The following FSTL5 variants were observed in gnomAD, a reference collection of about 807,000 sequenced individuals.
FSTL5 encodes the protein follistatin like 5.
Under a neutral mutation model 89.1 loss-of-function variants are expected in FSTL5, and 62 were observed. The ratio of observed to expected loss-of-function variants is 0.70; its 90% confidence interval spans 0.57 to 0.86. The LOEUF (loss-of-function observed/expected upper bound fraction) is 0.86. Ranked by LOEUF, FSTL5 falls within the 40% of genes least tolerant of loss-of-function variation. The probability of loss-of-function intolerance (pLI) is 0.00; values close to 1 mark genes in which losing one functional copy is unlikely to be tolerated. For missense variants in FSTL5, 1,057 were observed against 1,001.6 expected, an observed-to-expected ratio of 1.06 and a Z score of -0.75; for synonymous variants, 383 against 346.2, an observed-to-expected ratio of 1.11 and a Z score of -1.18.
At chr4:161,721,488 T>A (rs1269175295) in intron 6 of FSTL5, among the ~76,000 whole-genome samples, 2 of 152,094 alleles carry the variant, frequency 1.3e-5, no homozygotes, top group Non-Finnish European at 2.9e-5. Context: ...TCCAAACTCA[T>A]GAAGTTGTGT....
intron 3 of FSTL5, among the ~76,000 whole-genome samples, chr4:161,998,690 G>T (rs934934831): frequency 6.6e-6 from 1 of 152,100 alleles, no homozygotes; most frequent in African/African-American, 2.4e-5. Flanking sequence ...TGACTGAATT[G>T]CTTTGGGTTC....
chr4:161,484,444 A>C (rs1048216027), intron 12 of FSTL5, among the ~76,000 whole-genome samples: 2 of 152,138 alleles, frequency 1.3e-5, no homozygotes, highest in Admixed American at 1.3e-4. Context: ...TTAACTATTC[A>C]AGTATTCAAA....
chr4:161,481,669 T>C (rs1413597805), intron 12 of FSTL5, among the ~76,000 whole-genome samples: 1 of 152,168 alleles, frequency 6.6e-6, no homozygotes, highest in Non-Finnish European at 1.5e-5. Flanking sequence ...TAAATTATAA[T>C]AAGATAGTTA....
chr4:161,950,668 C>G (rs902798784), intron 3 of FSTL5, among the ~76,000 whole-genome samples: 1 of 152,148 alleles, frequency 6.6e-6, no homozygotes, highest in Non-Finnish European at 1.5e-5. Context: ...CAGAATGCCT[C>G]AGTTTGGTTC....
chr4:161,829,251 AT>A (rs1439071413), intron 4 of FSTL5, among the ~76,000 whole-genome samples: 4 of 149,976 alleles, frequency 2.7e-5, no homozygotes, highest in Admixed American at 2.0e-4. Flanking sequence ...ATGATCTGGT[AT>A]TCCAGAGGAA....
At chr4:161,788,141 C>T (rs1741975787) in intron 4 of FSTL5, among the ~76,000 whole-genome samples, 1 of 152,006 alleles carries the variant, frequency 6.6e-6, no homozygotes, top group South Asian at 2.1e-4. Flanking sequence ...TTTTAATTGA[C>T]ACGTAATAAT....
rs373146839 is a variant in FSTL5 at position 162,070,137 on chromosome 4, G to A, written c.127-36479C>T. 3.5e-4 allele frequency among the ~76,000 whole-genome samples: 53 copies of A among 151,780 alleles called. 1 individual carries two copies. In the South Asian group the frequency reaches 9.3e-3, roughly 27 times the overall value. ...CATTTTCCTGATGATAAGTTACATCGGGGATTCGTATGTTTTCTTTTAATA... is the reference window on the plus strand; with the variant it reads ...CATTTTCCTGATGATAAGTTACATCAGGGATTCGTATGTTTTCTTTTAATA... On this transcript the variant is annotated intron_variant, in intron 2 of 15. Coordinates refer to ENST00000306100, the MANE Select transcript of FSTL5 (RefSeq NM_020116.5).
intron 12 of FSTL5, among the ~76,000 whole-genome samples, chr4:161,492,617 G>A (rs1158538210): frequency 6.6e-6 from 1 of 152,014 alleles, no homozygotes; most frequent in Non-Finnish European, 1.5e-5. Flanking sequence ...TATTGACTCT[G>A]CCACTAATTT....
intron 6 of FSTL5, among the ~76,000 whole-genome samples, chr4:161,755,364 T>C (rs11935466): frequency 0.13 from 20,316 of 152,048 alleles, 2,703 homozygotes; most frequent in African/African-American, 0.34. Flanking sequence ...ACTGCAATAA[T>C]ATAAAAACAC....
At chr4:161,868,128 T>A (rs141083108) in intron 4 of FSTL5, among the ~76,000 whole-genome samples, 55 of 152,294 alleles carry the variant, frequency 3.6e-4, no homozygotes, top group African/African-American at 1.3e-3. Flanking sequence ...AGCAATAGCA[T>A]AATTTTAACT....
At chr4:161,827,258 G>A (rs1013004369) in intron 4 of FSTL5, among the ~76,000 whole-genome samples, 1 of 152,198 alleles carries the variant, frequency 6.6e-6, no homozygotes, top group Admixed American at 6.5e-5. Flanking sequence ...TACCAGGCTT[G>A]GGAGTGGTTC....
At chr4:161,387,301 T>C (rs942280671) in intron 15 of FSTL5, 1 of 152,030 alleles carries the variant, frequency 6.6e-6, no homozygotes, top group African/African-American at 2.4e-5. Flanking sequence ...AAAGGACTTT[T>C]ATTTATGTTT....
chr4:162,035,984 G>T (rs1012808771), intron 2 of FSTL5, among the ~76,000 whole-genome samples: 4 of 152,044 alleles, frequency 2.6e-5, no homozygotes, highest in African/African-American at 9.7e-5. Context: ...CACACTCTCT[G>T]AGATTTTCTT....
chr4:161,446,204 C>T (rs1732940237), intron 15 of FSTL5, among the ~76,000 whole-genome samples: 3 of 152,062 alleles, frequency 2.0e-5, no homozygotes, highest in Middle Eastern at 3.4e-3. Flanking sequence ...GCCTGCACAG[C>T]CACCATCACT....
chr4:162,029,164 AGAGT>A (rs765666774), intron 3 of FSTL5, among the ~76,000 whole-genome samples: 2,823 of 96,112 alleles, frequency 0.029, 29 homozygotes, highest in East Asian at 0.058. Flanking sequence ...AGAGAGAGAG[AGAGT>A]GTGTGTGTGT....
chr4:161,489,623 A>G (rs114717805), intron 12 of FSTL5, among the ~76,000 whole-genome samples: 2,379 of 152,242 alleles, frequency 0.016, 57 homozygotes, highest in African/African-American at 0.054. Flanking sequence ...TTCTTTCTTT[A>G]ACTTGTGGCA....
intron 6 of FSTL5, among the ~76,000 whole-genome samples, chr4:161,669,766 T>G (rs551929958): frequency 6.6e-6 from 1 of 152,212 alleles, no homozygotes; most frequent in Admixed American, 6.5e-5. Context: ...ATAATATTGG[T>G]TTATTTTTCA....
At chr4:161,837,643 T>C (rs921547530) in intron 4 of FSTL5, among the ~76,000 whole-genome samples, 1 of 152,122 alleles carries the variant, frequency 6.6e-6, no homozygotes, top group Non-Finnish European at 1.5e-5. Flanking sequence ...AGGTGTCTTC[T>C]ATCATAGCCT....
chr4:161,756,552 T>C (rs571863844), intron 6 of FSTL5, among the ~76,000 whole-genome samples: 9 of 152,248 alleles, frequency 5.9e-5, no homozygotes, highest in African/African-American at 2.2e-4. Context: ...TTAAAACTTT[T>C]TATTGATTAT....
Sources: gnomAD v4.1 joint callset for allele counts (sites outside exome capture counted in the v4.1 genomes callset) on GRCh38, gnomAD v4.1.1 for gene constraint, MANE v1.5 for transcripts, NCBI Gene and HGNC (gene_info 2026-07-23, HGNC 2026-07-21) for gene names.